The following NRG1 variants were observed in gnomAD, a reference collection of about 807,000 sequenced individuals.
NRG1 encodes the protein pro-neuregulin-1, membrane-bound isoform.
A neutral mutation model predicts 63.8 loss-of-function variants in NRG1; 18 were observed. The ratio of observed to expected loss-of-function variants is 0.28; its 90% CI spans 0.19 to 0.42. The LOEUF (loss-of-function observed/expected upper bound fraction) is 0.42. Among genes scored for constraint, NRG1 ranks in the 10% least tolerant of loss-of-function variants. NRG1 has a pLI of 1.00. For missense variants in NRG1, 762 were observed against 814.7 expected, an observed-to-expected ratio of 0.94 and a Z score of 0.79; for synonymous variants, 302 against 301.3, an observed-to-expected ratio of 1.00 and a Z score of -0.02.
chr8:32,414,990 C>T (rs1048243727), intron 1 of NRG1, among the ~76,000 whole-genome samples: 1 of 152,108 alleles, frequency 6.6e-6, no homozygotes, highest in African/African-American at 2.4e-5. Flanking sequence ...GATACCTAAA[C>T]TTTGTGGGTT....
rs558460641 is a variant in NRG1, at chr8:32,315,265, G to A, written c.38-280563G>A. Among the ~76,000 whole-genome samples the A allele has an allele frequency of 5.3e-5, 8 of 152,222 alleles. No homozygotes were observed. The East Asian group carries it at 1.5e-3, about 29-fold the overall frequency. ...CCACCCCCCTGACAGGTCCTGGTGT[G>A]TGTTGTTCCCCTCCCTGTGTCCATG... On this transcript the variant is annotated intron_variant, in intron 1 of 10. Coordinates refer to the NRG1 transcript ENST00000519301.
chr8:32,368,166 A>T, intron 1 of NRG1, among the ~76,000 whole-genome samples: 1 of 152,228 alleles, frequency 6.6e-6, no homozygotes, highest in East Asian at 1.9e-4. Flanking sequence ...AAATACTTCC[A>T]AAGAAAAAAG....
chr8:31,702,680 T>C (rs980518279), intron 1 of NRG1, among the ~76,000 whole-genome samples: 2 of 152,046 alleles, frequency 1.3e-5, no homozygotes, highest in Non-Finnish European at 2.9e-5. Context: ...ATAATTGGAA[T>C]TGGATTTTCT....
chr8:32,232,384 T>A (rs978668957), intron 1 of NRG1, among the ~76,000 whole-genome samples: 2 of 152,172 alleles, frequency 1.3e-5, no homozygotes, highest in African/African-American at 4.8e-5. Context: ...AGCTTATAGA[T>A]ACTGAGGTTA....
intron 5 of NRG1, among the ~76,000 whole-genome samples, chr8:32,626,357 G>GTTT (rs145290390): frequency 1.4e-5 from 2 of 142,082 alleles, no homozygotes; most frequent in Non-Finnish European, 1.5e-5. Context: ...TTCAAATTAA[G>GTTT]TTTTTTTTTT....
intron 1 of NRG1, among the ~76,000 whole-genome samples, chr8:32,491,993 A>T (rs372255545): frequency 6.6e-6 from 1 of 152,242 alleles, no homozygotes; most frequent in African/African-American, 2.4e-5. Flanking sequence ...TATATAACCA[A>T]GAAATATCAG....
intron 6 of NRG1, among the ~76,000 whole-genome samples, chr8:32,729,314 ATGATGAAAATAC>A (rs1823053082): frequency 6.6e-6 from 1 of 152,226 alleles, no homozygotes; most frequent in African/African-American, 2.4e-5. Context: ...TTTTATTGAA[ATGATGAAAATAC>A]ACCTTTGTTT....
At chr8:32,352,890 TATATATATAC>T (rs1413687861) in intron 1 of NRG1, among the ~76,000 whole-genome samples, 1 of 132,390 alleles carries the variant, frequency 7.6e-6, no homozygotes, top group Non-Finnish European at 1.6e-5. Context: ...TTTTTTAAAA[TATATATATAC>T]ATATATATAT....
intron 1 of NRG1, among the ~76,000 whole-genome samples, chr8:32,069,744 A>T (rs1172438701): frequency 6.6e-6 from 1 of 152,164 alleles, no homozygotes; most frequent in Non-Finnish European, 1.5e-5. Flanking sequence ...CAAGGGTACC[A>T]AAACCTTGAG....
intron 1 of NRG1, among the ~76,000 whole-genome samples, chr8:31,949,541 A>G (rs971394253): frequency 1.3e-5 from 2 of 152,190 alleles, no homozygotes; most frequent in Admixed American, 1.3e-4. Flanking sequence ...TTCCTTCTGG[A>G]AACAGTATCT....
chr8:32,706,329 A>G (rs965105283), intron 5 of NRG1, among the ~76,000 whole-genome samples: 3 of 152,188 alleles, frequency 2.0e-5, no homozygotes, highest in African/African-American at 7.2e-5. Context: ...TCTCTCATTT[A>G]TTTTTCTACT....
At chr8:32,559,802 C>T (rs1835995766) in intron 1 of NRG1, among the ~76,000 whole-genome samples, 1 of 148,310 alleles carries the variant, frequency 6.7e-6, no homozygotes, top group Non-Finnish European at 1.5e-5. Context: ...CAAGACCAGC[C>T]TGGGCAACAT....
intron 1 of NRG1, among the ~76,000 whole-genome samples, chr8:31,657,030 T>G (rs902010049): frequency 6.6e-6 from 1 of 152,222 alleles, no homozygotes; most frequent in African/African-American, 2.4e-5. Flanking sequence ...TGATAGTAAT[T>G]GCGTGCATTT....
chr8:31,859,285 C>A (rs1828246460), intron 1 of NRG1, among the ~76,000 whole-genome samples: 1 of 152,122 alleles, frequency 6.6e-6, no homozygotes, highest in African/African-American at 2.4e-5. Context: ...AAAATGAAGA[C>A]AACAGCCTTA....
At chr8:32,346,240 T>A (rs1383902819) in intron 1 of NRG1, among the ~76,000 whole-genome samples, 3 of 148,064 alleles carry the variant, frequency 2.0e-5, no homozygotes, top group Non-Finnish European at 4.5e-5. Flanking sequence ...TATATATAGA[T>A]GAAAATATAT....
intron 5 of NRG1, among the ~76,000 whole-genome samples, chr8:32,700,774 T>A (rs918835335): frequency 6.6e-6 from 1 of 152,236 alleles, no homozygotes; most frequent in Non-Finnish European, 1.5e-5. Flanking sequence ...GTGAGCACAC[T>A]GATACATTTT....
intron 1 of NRG1, among the ~76,000 whole-genome samples, chr8:31,761,630 G>A (rs1221922792): frequency 6.6e-6 from 1 of 152,074 alleles, no homozygotes; most frequent in East Asian, 1.9e-4. Flanking sequence ...ACAGTTTGTG[G>A]AGCAGTTAGA....
intron 1 of NRG1, among the ~76,000 whole-genome samples, chr8:32,421,732 T>C (rs1816718722): frequency 6.6e-6 from 1 of 152,130 alleles, no homozygotes; most frequent in Non-Finnish European, 1.5e-5. Flanking sequence ...CTTAGGAAAA[T>C]GAAAATCACT....
chr8:32,548,380 G>C, exon 1 of NRG1: 1 of 1,042,692 alleles, frequency 9.6e-7, no homozygotes, highest in Non-Finnish European at 1.2e-6. Context: ...GACGATGGGA[G>C]CGTGAGCAGG....
Sources: gnomAD v4.1 joint callset for allele counts (sites outside exome capture counted in the v4.1 genomes callset) on GRCh38, gnomAD v4.1.1 for gene constraint, MANE v1.5 for transcripts, NCBI Gene and HGNC (gene_info 2026-07-23, HGNC 2026-07-21) for gene names.